Variants in TSC22D3 observed in about 807,000 individuals in gnomAD.
The protein encoded by TSC22D3 is TSC22 domain family member 3, also known as TSC22 domain family protein 3.
TSC22D3 carries 4 observed loss-of-function variants against 11.1 expected under a neutral mutation model. The ratio of observed to expected loss-of-function variants is 0.36; its 90% CI spans 0.18 to 0.83. The LOEUF is 0.83. TSC22D3 is among the 40% of genes least tolerant of loss of function. TSC22D3 has a pLI of 0.48. For synonymous variants in TSC22D3, 77 were observed against 70.3 expected (o/e 1.10, Z -0.48); for missense variants, 118 against 159.4 (o/e 0.74, Z 1.40).
chrX:107,747,305 T>C (rs1474719751), intron 1 of TSC22D3, among the ~76,000 whole-genome samples: 1 of 112,340 alleles, frequency 8.9e-6, no homozygotes. Flanking sequence ...CTTACTCTGT[T>C]CTGGCCAAAG....
chrX:107,722,822 A>G (rs1352809487), intron 1 of TSC22D3, among the ~76,000 whole-genome samples: 1 of 112,072 alleles, frequency 8.9e-6, no homozygotes, highest in East Asian at 2.8e-4. Context: ...TGCCCATGCT[A>G]GTTGCCATTA....
chrX:107,724,264 CAGAA>C (rs1437668457), intron 1 of TSC22D3, among the ~76,000 whole-genome samples: 1 of 112,602 alleles, frequency 8.9e-6, no homozygotes, highest in Non-Finnish European at 1.9e-5. Flanking sequence ...ATTGCCAGAA[CAGAA>C]AGAAAAGGAG....
chrX:107,732,081 G>A (rs947200894), intron 1 of TSC22D3, among the ~76,000 whole-genome samples: 22 of 111,407 alleles, frequency 2.0e-4, no homozygotes, highest in African/African-American at 6.9e-4. Context: ...CTGCTCACCC[G>A]CTTGGGACTG....
At chrX:107,766,064 T>C (rs1319438118) in intron 1 of TSC22D3, among the ~76,000 whole-genome samples, 4 of 112,301 alleles carry the variant, frequency 3.6e-5, no homozygotes, top group Non-Finnish European at 7.5e-5. Flanking sequence ...ATTTACTTGA[T>C]GGCAACACAC....
chrX:107,758,109 A>G (rs746127649), intron 1 of TSC22D3, among the ~76,000 whole-genome samples: 21 of 110,239 alleles, frequency 1.9e-4, no homozygotes, highest in Non-Finnish European at 2.5e-4. Flanking sequence ...AACAGAGCCA[A>G]GAAGAAGGAG....
At chrX:107,758,027 A>G (rs1929254015) in intron 1 of TSC22D3, among the ~76,000 whole-genome samples, 1 of 110,671 alleles carries the variant, frequency 9.0e-6, no homozygotes, top group Non-Finnish European at 1.9e-5. Flanking sequence ...CCCTGTCTCA[A>G]ACAAACAAAA....
At chrX:107,729,178 C>T (rs920930109) in intron 1 of TSC22D3, among the ~76,000 whole-genome samples, 2 of 111,972 alleles carry the variant, frequency 1.8e-5, no homozygotes, top group African/African-American at 6.5e-5. Flanking sequence ...GTGCTCCCTG[C>T]CTGGGAGACC....
chrX:107,766,461 C>G (rs192396236), intron 1 of TSC22D3, among the ~76,000 whole-genome samples: 7,215 of 95,493 alleles, frequency 0.076, 367 homozygotes, highest in Middle Eastern at 0.15. Flanking sequence ...CGCCCCCCCC[C>G]CAACAACTCC....
chrX:107,753,375 C>T (rs1293815365), intron 1 of TSC22D3, among the ~76,000 whole-genome samples: 2 of 111,167 alleles, frequency 1.8e-5, no homozygotes, highest in Admixed American at 9.6e-5. Flanking sequence ...TCTCAGCTCA[C>T]ACTTCCCTCC....
intron 1 of TSC22D3, among the ~76,000 whole-genome samples, chrX:107,724,781 C>T (rs936862057): frequency 5.3e-5 from 6 of 112,691 alleles, no homozygotes; most frequent in Admixed American, 9.3e-5. Flanking sequence ...ATACTGGGAA[C>T]GGGAAGTCCT....
chrX:107,762,401 C>A (rs772462659), intron 1 of TSC22D3, among the ~76,000 whole-genome samples: 1 of 112,252 alleles, frequency 8.9e-6, no homozygotes, highest in Non-Finnish European at 1.9e-5. Flanking sequence ...GTTTTACTGA[C>A]TTATCTCCAA....
At chrX:107,745,330 C>T (rs924401409) in intron 1 of TSC22D3, among the ~76,000 whole-genome samples, 1 of 111,953 alleles carries the variant, frequency 8.9e-6, no homozygotes, top group African/African-American at 3.2e-5. Context: ...GCAGTCTCCC[C>T]GAATCTGGCC....
At chrX:107,721,568 A>G in intron 1 of TSC22D3, among the ~76,000 whole-genome samples, 1 of 111,995 alleles carries the variant, frequency 8.9e-6, no homozygotes, top group Admixed American at 9.4e-5. Context: ...ATTTATAGGT[A>G]AGTCTTCCTT....
intron 1 of TSC22D3, among the ~76,000 whole-genome samples, chrX:107,720,391 C>T (rs753493962): frequency 1.2e-4 from 13 of 111,898 alleles, no homozygotes. Context: ...ACTTAAATGT[C>T]TCTGTAGAAA....
At chrX:107,716,835 G>A (rs201145491) in intron 1 of TSC22D3, 2 of 1,205,962 alleles carry the variant, frequency 1.7e-6, no homozygotes, top group Non-Finnish European at 2.2e-6. Flanking sequence ...AGGAAGCTCT[G>A]GCCGGGTTTC....
At chrX:107,738,835 C>G (rs1171447604) in intron 1 of TSC22D3, among the ~76,000 whole-genome samples, 2 of 112,239 alleles carry the variant, frequency 1.8e-5, no homozygotes, top group Non-Finnish European at 3.8e-5. Flanking sequence ...CCACCCCCAC[C>G]CTTGTTGCCA....
chrX:107,719,714 G>A (rs1927232391), intron 1 of TSC22D3, among the ~76,000 whole-genome samples: 1 of 111,577 alleles, frequency 9.0e-6, no homozygotes, highest in African/African-American at 3.3e-5. Context: ...GTTGGTAGGG[G>A]GTTTGGAGGT....
intron 1 of TSC22D3, 124 bp from the exon 2 acceptor site, chrX:107,716,074 G>T: frequency 1.2e-6 from 1 of 812,793 alleles, no homozygotes; most frequent in Non-Finnish European, 1.7e-6. Context: ...TCGCCTCCCT[G>T]GCCCAGAGTT....
At chrX:107,767,261 G>A (rs1387369105) in intron 1 of TSC22D3, among the ~76,000 whole-genome samples, 1 of 111,768 alleles carries the variant, frequency 8.9e-6, no homozygotes, top group Non-Finnish European at 1.9e-5. Flanking sequence ...TGTGTGCTCT[G>A]TCCATAGGCA....
Sources: gnomAD v4.1 joint callset for allele counts (sites outside exome capture counted in the v4.1 genomes callset) on GRCh38, gnomAD v4.1.1 for gene constraint, MANE v1.5 for transcripts, NCBI Gene and HGNC (gene_info 2026-07-23, HGNC 2026-07-21) for gene names.